Variants in SPPL3 observed in about 807,000 individuals in gnomAD.
SPPL3 encodes signal peptide peptidase-like 3.
In SPPL3, 5 loss-of-function variants were observed where a neutral mutation model predicts 42.4. The observed-to-expected ratio is 0.12, with a 90% CI of 0.06 to 0.25. The LOEUF (loss-of-function observed/expected upper bound fraction) is 0.25, where lower values mean the gene tolerates loss of function less well. SPPL3 is among the 10% of genes least tolerant of loss of function. The pLI, the probability that SPPL3 is intolerant of heterozygous loss-of-function variation, is 1.00. For missense variants in SPPL3, 235 were observed against 489.0 expected (o/e 0.48, Z 4.90); for synonymous variants, 195 against 181.8 (o/e 1.07, Z -0.58).
Position 120,839,370 on chromosome 12 carries a change from A to AG in SPPL3, c.24-28485dup, listed in dbSNP as rs1415795057. ...CTGGGGCCTGTTGTGGGGTGGGGGG[A>AG]GGGGGGAGGGATAGCATTAGGAGAT... On this transcript the variant is annotated intron_variant, in intron 1 of 10. Transcript: ENST00000353487. Among the ~76,000 whole-genome samples the AG allele has an allele frequency of 1.3e-4, 8 of 63,240 alleles. No homozygotes were observed. The East Asian group carries it at 3.5e-3, about 28-fold the overall frequency. The allele number at this position is 63,240 out of a possible 152,430, so 41.5% of individuals were successfully genotyped here.
intron 1 of SPPL3, among the ~76,000 whole-genome samples, chr12:120,847,354 G>A (rs968948235): frequency 1.1e-4 from 17 of 152,182 alleles, no homozygotes; most frequent in Non-Finnish European, 1.8e-4. Flanking sequence ...GTGCAGTGGT[G>A]TGATCTTGGC....
rs1164272443 is a variant in SPPL3 at position 120,779,820 on chromosome 12, CAAA to C, written c.502+2832_502+2834del. Among the ~76,000 whole-genome samples the C allele has an allele frequency of 2.8e-3, 121 of 42,774 alleles. 1 individual carries two copies. The highest frequency in any genetic ancestry group is 4.0e-3 in the Admixed American group (11 of 2,752). The allele number at this position is 42,774 out of a possible 152,430, so 28.1% of individuals were successfully genotyped here. On this transcript the variant is annotated intron_variant, in intron 6 of 10. Transcript: ENST00000353487. The stretch of plus-strand genomic sequence containing the variant: ...CGAAACCTTGTCTCTACTAAAAATA[CAAA>C]AAAAAAAAAAAAAAAAAAAAAAAAA...
intron 3 of SPPL3, among the ~76,000 whole-genome samples, chr12:120,785,957 G>C (rs1372331276): frequency 1.4e-5 from 2 of 145,552 alleles, no homozygotes; most frequent in Non-Finnish European, 3.0e-5. Context: ...ATTATATTAA[G>C]GCTACAAATA....
chr12:120,802,411 G>A (rs144547152), intron 2 of SPPL3, among the ~76,000 whole-genome samples: 54,412 of 99,356 alleles, frequency 0.55, 13,951 homozygotes, highest in South Asian at 0.77. Context: ...GTGTGTGTGT[G>A]TGTGTATATA....
chr12:120,837,021 T>C (rs1056427606), intron 1 of SPPL3, among the ~76,000 whole-genome samples: 2 of 152,186 alleles, frequency 1.3e-5, no homozygotes, highest in Non-Finnish European at 2.9e-5. Context: ...GAATCTATAA[T>C]TATGTCAATA....
chr12:120,775,314 G>A (rs1393657024), intron 6 of SPPL3, among the ~76,000 whole-genome samples: 1 of 151,998 alleles, frequency 6.6e-6, no homozygotes, highest in Non-Finnish European at 1.5e-5. Context: ...GCACACCTTG[G>A]TTAATTTTTT....
chr12:120,838,929 C>A (rs1274075271), intron 1 of SPPL3, among the ~76,000 whole-genome samples: 1 of 152,112 alleles, frequency 6.6e-6, no homozygotes, highest in African/African-American at 2.4e-5. Flanking sequence ...ACTAGTTCAA[C>A]CATTGTGGAA....
intron 1 of SPPL3, among the ~76,000 whole-genome samples, chr12:120,898,033 C>A (rs996738834): frequency 5.3e-5 from 8 of 152,050 alleles, no homozygotes; most frequent in Admixed American, 3.9e-4. Flanking sequence ...TAGCACGGGC[C>A]AGGCGCAGTG....
At chr12:120,826,166 G>A (rs1479915638) in intron 1 of SPPL3, among the ~76,000 whole-genome samples, 1 of 151,872 alleles carries the variant, frequency 6.6e-6, no homozygotes, top group Non-Finnish European at 1.5e-5. Flanking sequence ...GGTGGCACAT[G>A]TCTGTAATCC....
intron 2 of SPPL3, among the ~76,000 whole-genome samples, chr12:120,803,121 A>G (rs1870377252): frequency 6.6e-6 from 1 of 152,222 alleles, no homozygotes; most frequent in Admixed American, 6.5e-5. Context: ...TTTTGATGGA[A>G]GGAAGCTGAG....
chr12:120,771,177 C>A (rs996586069), intron 6 of SPPL3, among the ~76,000 whole-genome samples: 1 of 152,176 alleles, frequency 6.6e-6, no homozygotes, highest in Non-Finnish European at 1.5e-5. Context: ...TTTATGGGGC[C>A]CCTAGCTCAA....
rs372537070 is a variant in SPPL3 at position 120,775,097 on chromosome 12, CT to C, written c.503-6039del. Among the ~76,000 whole-genome samples the C allele has an allele frequency of 5.9e-3, 896 of 152,276 alleles. 11 individuals carry two copies. Among genetic ancestry groups the C allele is most frequent in the African/African-American group, 0.02 (811 of 41,548 alleles). On this transcript the variant is annotated intron_variant, in intron 6 of 10. Transcript: ENST00000353487. Reference sequence around the variant, plus strand: ...GCAGTGCTCACATTCGCGATACAGGCTCTCTAGATATCTATGCCCTATGTGG... The same window carrying C: ...GCAGTGCTCACATTCGCGATACAGGCCTCTAGATATCTATGCCCTATGTGG...
At chr12:120,835,045 T>C (rs529282975) in intron 1 of SPPL3, among the ~76,000 whole-genome samples, 3 of 152,338 alleles carry the variant, frequency 2.0e-5, no homozygotes, top group East Asian at 3.9e-4. Flanking sequence ...AACTCTTCTA[T>C]GTTAATCACC....
chr12:120,787,265 A>G (rs1869751596), intron 3 of SPPL3, among the ~76,000 whole-genome samples: 1 of 152,226 alleles, frequency 6.6e-6, no homozygotes, highest in South Asian at 2.1e-4. Flanking sequence ...GATCCCAACT[A>G]TACATCTCCA....
chr12:120,803,402 T>C (rs184923652), intron 2 of SPPL3, among the ~76,000 whole-genome samples: 1 of 152,246 alleles, frequency 6.6e-6, no homozygotes, highest in Non-Finnish European at 1.5e-5. Flanking sequence ...AGCAGATCAG[T>C]TTATTGAAAG....
At chr12:120,813,081 C>T (rs893264340) in intron 1 of SPPL3, among the ~76,000 whole-genome samples, 19 of 151,456 alleles carry the variant, frequency 1.3e-4, no homozygotes, top group South Asian at 4.2e-4. Flanking sequence ...GGGAAAAGAA[C>T]GGCAGCTGGA....
rs570713584 is a variant in SPPL3 at position 120,764,528 on chromosome 12, T to C, written c.*471A>G. On this transcript the variant is annotated 3_prime_UTR_variant, in exon 11 of 11. Transcript: ENST00000353487. ...AAGAAGAATATAACGACAGAAGAGC[T>C]TCTGTCTCAGTTCTCTGAAACTGAG... The C allele has an allele frequency of 4.4e-6, 1 of 224,796 alleles. No homozygotes were observed. The highest frequency in any genetic ancestry group is 1.8e-4 in the South Asian group (1 of 5,494). 13.9% of individuals were successfully genotyped at this position (224,796 alleles called of 1,614,324 possible). A position where few individuals can be genotyped will look rare whatever the true frequency, so the allele number is the denominator to read the frequency against.
chr12:120,790,389 A>T (rs959942233), intron 3 of SPPL3, among the ~76,000 whole-genome samples: 2 of 152,226 alleles, frequency 1.3e-5, no homozygotes, highest in African/African-American at 4.8e-5. Flanking sequence ...AGAAACTAAG[A>T]TACACAATAA....
chr12:120,767,252 C>A, intron 9 of SPPL3, 142 bp downstream of exon 9: 1 of 833,568 alleles, frequency 1.2e-6, no homozygotes, highest in Non-Finnish European at 1.8e-6. Flanking sequence ...CTTAGCATCT[C>A]ACGGGCCAGG....
Sources: allele counts gnomAD v4.1 joint callset (sites outside exome capture counted in the v4.1 genomes callset), GRCh38; gene constraint gnomAD v4.1.1; transcripts MANE v1.5; gene names NCBI Gene and HGNC (gene_info 2026-07-23, HGNC 2026-07-21).